Variants in LRRC56 observed in about 807,000 individuals in gnomAD.
LRRC56 encodes the protein leucine-rich repeat-containing protein 56.
A neutral mutation model predicts 47.8 loss-of-function variants in LRRC56; 41 were observed. That is an observed-to-expected ratio of 0.86 (90% CI 0.67 to 1.11). The LOEUF is 1.11. LRRC56 is among the 50% of genes most tolerant of loss of function. LRRC56 has a pLI of 0.00. For missense variants in LRRC56, 759 were observed against 704.2 expected (o/e 1.08, Z -0.88); for synonymous variants, 387 against 311.2 (o/e 1.24, Z -2.56).
chr11:509,112 G>C, the LRRC56 span, among the ~76,000 whole-genome samples: 3 of 152,026 alleles, frequency 2.0e-5, no homozygotes, highest in Non-Finnish European at 4.4e-5. Flanking sequence ...ACACCCCCAA[G>C]AAAGCTCAGG....
At chr11:548,660 G>A (rs532004131) in intron 6 of LRRC56, among the ~76,000 whole-genome samples, 9 of 152,128 alleles carry the variant, frequency 5.9e-5, no homozygotes, top group East Asian at 1.9e-4. Flanking sequence ...GGGTTTCACC[G>A]TGTTAACCAG....
chr11:552,831 C>T, intron 13 of LRRC56, 129 bp downstream of exon 13: 1 of 821,938 alleles, frequency 1.2e-6, no homozygotes, highest in East Asian at 2.8e-5. Flanking sequence ...CTGAGAGGGA[C>T]TGTAACAGGG....
At chr11:519,023 C>A in the LRRC56 span, among the ~76,000 whole-genome samples, 1 of 152,212 alleles carries the variant, frequency 6.6e-6, no homozygotes, top group Non-Finnish European at 1.5e-5. Context: ...GGGGAGGCTT[C>A]TCCGAAAGCC....
At chr11:526,106 C>T in the LRRC56 span, among the ~76,000 whole-genome samples, 1 of 151,550 alleles carries the variant, frequency 6.6e-6, no homozygotes, top group Admixed American at 6.6e-5. Flanking sequence ...ACTCGGGAGG[C>T]TGAGGCAGGA....
At chr11:533,084 C>T (rs569017871), upstream of LRRC56, among the ~76,000 whole-genome samples, 2 of 152,358 alleles carry the variant, frequency 1.3e-5, no homozygotes, top group Middle Eastern at 3.4e-3. Flanking sequence ...AGACTCAGAA[C>T]CAACAGGTGC....
the LRRC56 span, among the ~76,000 whole-genome samples, chr11:516,729 T>C: frequency 2.6e-5 from 4 of 152,218 alleles, no homozygotes; most frequent in African/African-American, 4.8e-5. Flanking sequence ...CTGAGCAACA[T>C]AGTGAGACCT....
At chr11:548,366 G>C (rs933583518) in intron 6 of LRRC56, among the ~76,000 whole-genome samples, 1 of 151,682 alleles carries the variant, frequency 6.6e-6, no homozygotes, top group African/African-American at 2.4e-5. Flanking sequence ...CAATAGCCTC[G>C]ACCTCCTGGG....
chr11:554,174 C>T lies in LRRC56; in HGVS notation c.1527C>T (p.Ser509=), dbSNP rs1163602841. The T allele has an allele frequency of 1.3e-6, 2 of 1,578,782 alleles. No homozygotes were observed. The highest frequency in any genetic ancestry group is 3.5e-5 in the Admixed American group (2 of 57,104). The change falls in exon 14 of 14, where the codon AGC becomes AGT. Residue 509 remains serine (S), a synonymous_variant. Transcript: ENST00000270115. ...CCCTGGAGGTGGCCTCACGCCTGAG[C>T]CCTCGAGCCCAGGGATGTCCTGGCC... ...LRALEVASRL[S]PRAQGCPGPK... is the part of the protein sequence containing the mutation.
intron 1 of LRRC56, among the ~76,000 whole-genome samples, chr11:538,303 C>T (rs925742450): frequency 6.6e-5 from 10 of 152,130 alleles, no homozygotes; most frequent in African/African-American, 2.2e-4. Context: ...TGCCCGTGAC[C>T]CCGCCAGCTC....
the LRRC56 span, chr11:528,767 G>A: frequency 8.8e-4 from 135 of 153,428 alleles, no homozygotes; most frequent in East Asian, 0.011. Context: ...CCACATACAC[G>A]TGCACACACA....
At chr11:511,945 C>G in the LRRC56 span, among the ~76,000 whole-genome samples, 1 of 151,630 alleles carries the variant, frequency 6.6e-6, no homozygotes, top group African/African-American at 2.4e-5. Flanking sequence ...GGTTAGGAGG[C>G]GAATTTTTTT....
intron 6 of LRRC56, among the ~76,000 whole-genome samples, chr11:546,538 A>G (rs1852092315): frequency 6.6e-6 from 1 of 151,822 alleles, no homozygotes; most frequent in Admixed American, 6.6e-5. Flanking sequence ...ACTAAACTCC[A>G]GCCTGGGCGA....
At chr11:550,354 G>A in intron 8 of LRRC56, 82 bp downstream of exon 8, 1 of 1,337,766 alleles carries the variant, frequency 7.5e-7, no homozygotes, top group Non-Finnish European at 1.0e-6. Context: ...CCCTCCTCTG[G>A]CCAGGTACTT....
At position 549,982 on chromosome 11, in the gene LRRC56, C is replaced by CT. The variant is rs754995362; in HGVS notation, c.410dup (p.Leu137PhefsTer5). 1 of 1,612,352 alleles carries CT rather than the reference C, an allele frequency of 6.2e-7. No individual in the cohort carries two copies. The highest frequency in any genetic ancestry group is 8.5e-7 in the Non-Finnish European group (1 of 1,179,742). On this transcript the variant is annotated frameshift_variant, in exon 7 of 14. Coordinates refer to ENST00000270115, the MANE Select transcript of LRRC56 (RefSeq NM_198075.4). LOFTEE classifies it high-confidence loss of function. ...CTCGCTGACCTGGATGGCATCGCCT[C>CT]TTTGCCAGCACTTAAGGTGAGTCTG...
rs1851803184 is a variant in LRRC56 at position 541,695 on chromosome 11, G to A, written c.265+71G>A. 3.0e-6 allele frequency: 3 copies of A among 996,974 alleles called. No homozygotes were observed. In the South Asian group the frequency reaches 5.0e-5, roughly 17 times the overall value. 61.8% of individuals were successfully genotyped at this position (996,974 alleles called of 1,614,324 possible). On this transcript the variant is annotated intron_variant, in intron 5 of 13. Transcript: ENST00000270115. The surrounding 1 kb of genome is among the most constrained non-coding windows in gnomAD (Gnocchi z 4.1). The stretch of plus-strand genomic sequence containing the variant: ...TCCCTGTAAACAACACACGTTTCCT[G>A]GTTATGACGACAAAGCTGTCCTCAC...
chr11:511,996 T>C, the LRRC56 span, among the ~76,000 whole-genome samples: 1 of 151,836 alleles, frequency 6.6e-6, no homozygotes, highest in Non-Finnish European at 1.5e-5. Context: ...CAGTCAGGAG[T>C]GCAGTGGCGT....
At chr11:509,519 G>A in the LRRC56 span, among the ~76,000 whole-genome samples, 164 of 152,144 alleles carry the variant, frequency 1.1e-3, 1 homozygote, top group African/African-American at 3.5e-3. Flanking sequence ...TGGACAGTGC[G>A]GCCACAGCCC....
upstream of LRRC56, chr11:537,381 C>T (rs780528198): frequency 1.3e-5 from 2 of 152,248 alleles, no homozygotes; most frequent in African/African-American, 2.4e-5. Flanking sequence ...TGGCCCCGCC[C>T]TAGCGACCGT....
chr11:549,950 C>T lies in LRRC56; in HGVS notation c.375C>T (p.Arg125=). Residue 125 remains arginine (R), a synonymous_variant, in exon 7 of 14, where the codon CGC becomes CGT. Transcript: ENST00000270115. ...ACCTGCAGGTGCTGTGGCTGGCTCG[C>T]TGTGGCCTCGCTGACCTGGATGGCA... The part of the protein sequence containing the change: ...LGHLQVLWLA[R]CGLADLDGIA... 11 of 1,612,824 alleles carry T rather than the reference C, an allele frequency of 6.8e-6. No homozygotes were observed. Among genetic ancestry groups the T allele is most frequent in the Non-Finnish European group, 9.3e-6 (11 of 1,179,876 alleles).
Sources: allele counts gnomAD v4.1 joint callset (sites outside exome capture counted in the v4.1 genomes callset), GRCh38; gene constraint gnomAD v4.1.1; non-coding constraint Gnocchi (gnomAD v3.1); transcripts MANE v1.5; gene names NCBI Gene and HGNC (gene_info 2026-07-23, HGNC 2026-07-21).